SORBS2: variants seen among roughly 807,000 people sequenced by gnomAD.
SORBS2 encodes sorbin and SH3 domain containing 2.
Under a neutral mutation model 97.7 loss-of-function variants are expected in SORBS2, and 46 were observed. That is an observed-to-expected ratio of 0.47 (90% CI 0.37 to 0.60). The LOEUF (loss-of-function observed/expected upper bound fraction) is 0.60. Among genes scored for constraint, SORBS2 ranks in the 20% least tolerant of loss-of-function variants. The pLI, the probability that SORBS2 is intolerant of heterozygous loss-of-function variation, is 0.00. For synonymous variants in SORBS2, 476 were observed against 473.4 expected, an observed-to-expected ratio of 1.01 and a Z score of -0.07; for missense variants, 1,316 against 1,282.3, an observed-to-expected ratio of 1.03 and a Z score of -0.40.
intron 1 of SORBS2, among the ~76,000 whole-genome samples, chr4:185,801,328 T>C (rs2099129447): frequency 6.6e-6 from 1 of 152,232 alleles, no homozygotes; most frequent in Admixed American, 6.5e-5. Context: ...CCTTTGTATG[T>C]ATATCCAGAA....
At chr4:185,917,618 G>A (rs995149372) in intron 1 of SORBS2, among the ~76,000 whole-genome samples, 1 of 152,178 alleles carries the variant, frequency 6.6e-6, no homozygotes, top group African/African-American at 2.4e-5. Flanking sequence ...GGGGGACATG[G>A]GAACCCCAGC....
chr4:185,709,061 A>G (rs2098387794), intron 2 of SORBS2, among the ~76,000 whole-genome samples: 1 of 152,234 alleles, frequency 6.6e-6, no homozygotes, highest in Non-Finnish European at 1.5e-5. Flanking sequence ...TCTGTTGCCC[A>G]GGCTGGAGTG....
chr4:185,782,662 T>C (rs908335851), intron 1 of SORBS2, among the ~76,000 whole-genome samples: 5 of 152,258 alleles, frequency 3.3e-5, no homozygotes, highest in Admixed American at 6.5e-5. Context: ...AAACTCTTTC[T>C]TGTGGCCATA....
At position 185,623,018 on chromosome 4, in the gene SORBS2, G is replaced by C. The variant is rs774954920; in HGVS notation, c.2111C>G (p.Pro704Arg). The change falls in exon 7 of 15, where the codon CCC becomes CGC. Residue 704 changes from proline to arginine, a missense_variant. Physicochemically the swap from Pro to Arg is moderately radical, Grantham distance 103. Coordinates refer to ENST00000418609, the Ensembl canonical transcript of SORBS2. The surrounding 1 kb of genome is among the most constrained non-coding windows in gnomAD (Gnocchi z 6.4). ...CATTCTCCCGCAGTCATTCTGGTAG[G>C]GTGGACAATGAATAGCACCATCGGG... 4 of 1,614,118 alleles carry C rather than the reference G, an allele frequency of 2.5e-6. No individual in the cohort carries two copies. The East Asian group carries it at 6.7e-5, about 27-fold the overall frequency.
At chr4:185,641,048 C>T (rs2097116785) in intron 4 of SORBS2, among the ~76,000 whole-genome samples, 1 of 152,038 alleles carries the variant, frequency 6.6e-6, no homozygotes, top group Non-Finnish European at 1.5e-5. Context: ...GACTTGTTAG[C>T]TATGTAGCTT....
chr4:185,820,464 T>C (rs2099196079), intron 1 of SORBS2, among the ~76,000 whole-genome samples: 1 of 152,228 alleles, frequency 6.6e-6, no homozygotes, highest in Non-Finnish European at 1.5e-5. Flanking sequence ...GTGGGGACTT[T>C]ATCGACCAGA....
chr4:185,916,996 A>T (rs28382289), intron 1 of SORBS2, among the ~76,000 whole-genome samples: 15,600 of 152,184 alleles, frequency 0.1, 909 homozygotes, highest in Middle Eastern at 0.18. Flanking sequence ...CCCCAACCTC[A>T]TGGGAGGGTA....
intron 1 of SORBS2, among the ~76,000 whole-genome samples, chr4:185,814,758 C>T (rs2099192242): frequency 6.6e-6 from 1 of 152,206 alleles, no homozygotes; most frequent in Non-Finnish European, 1.5e-5. Flanking sequence ...CCCTCTTTGC[C>T]CCGTGGCACG....
intron 2 of SORBS2, among the ~76,000 whole-genome samples, chr4:185,737,767 C>T (rs961988134): frequency 2.0e-5 from 3 of 152,144 alleles, no homozygotes; most frequent in Non-Finnish European, 2.9e-5. Flanking sequence ...GTCTGTCCAC[C>T]GTCTAAAGAT....
chr4:185,851,401 A>G (rs543562802), intron 1 of SORBS2, among the ~76,000 whole-genome samples: 2 of 152,328 alleles, frequency 1.3e-5, no homozygotes, highest in South Asian at 4.1e-4. Context: ...TAATATGATT[A>G]TAAAGGAAAG....
chr4:185,946,167 C>T (rs1038589173), intron 1 of SORBS2, among the ~76,000 whole-genome samples: 2 of 124,530 alleles, frequency 1.6e-5, no homozygotes, highest in African/African-American at 3.2e-5. Context: ...TTACCACATC[C>T]GTACAGCACC....
intron 2 of SORBS2, among the ~76,000 whole-genome samples, chr4:185,708,612 C>T (rs1205460609): frequency 1.3e-5 from 2 of 152,152 alleles, no homozygotes; most frequent in Non-Finnish European, 1.5e-5. Flanking sequence ...GGCTAATGAG[C>T]TATTTTTAGT....
intron 1 of SORBS2, among the ~76,000 whole-genome samples, chr4:185,926,545 T>C (rs1339352499): frequency 1.0e-5 from 1 of 99,590 alleles, no homozygotes; most frequent in Non-Finnish European, 2.5e-5. Context: ...AATGTTCAAG[T>C]TGTGGTTTTG....
At chr4:185,756,366 A>T (rs778597857) in intron 2 of SORBS2, among the ~76,000 whole-genome samples, 2 of 146,730 alleles carry the variant, frequency 1.4e-5, no homozygotes, top group Non-Finnish European at 3.1e-5. Flanking sequence ...TCCAAACACG[A>T]AGGCAGTCAA....
chr4:185,734,868 A>G (rs2098672804), intron 2 of SORBS2, among the ~76,000 whole-genome samples: 1 of 152,192 alleles, frequency 6.6e-6, no homozygotes, highest in Non-Finnish European at 1.5e-5. Context: ...ATCCTTGATC[A>G]TTACACCAGC....
chr4:185,593,771 C>A (rs2096015995), intron 13 of SORBS2, 115 bp downstream of exon 25: 3 of 705,148 alleles, frequency 4.3e-6, no homozygotes, highest in Non-Finnish European at 5.1e-6. Flanking sequence ...ATTTAAGAGG[C>A]CTCATGTTAG....
Position 185,950,037 on chromosome 4 carries a change from A to C in SORBS2, c.-338+6159T>G, listed in dbSNP as rs189875074. ...GGGAGGCCAAGGCGGGCGGATCATGAGGTCAGGAGTTCGAAACCAGCCTGG... is the reference window on the plus strand; with the variant it reads ...GGGAGGCCAAGGCGGGCGGATCATGCGGTCAGGAGTTCGAAACCAGCCTGG... On this transcript the variant is annotated intron_variant, in intron 1 of 20. Transcript: ENST00000284776. Among the ~76,000 whole-genome samples, 549 of 152,324 alleles carry C rather than the reference A, an allele frequency of 3.6e-3. 11 individuals carry two copies. Among genetic ancestry groups the C allele is most frequent in the Admixed American group, 0.033 (503 of 15,294 alleles).
chr4:185,711,751 G>T (rs12640689), intron 2 of SORBS2, among the ~76,000 whole-genome samples: 112,073 of 152,028 alleles, frequency 0.74, 42,553 homozygotes, highest in Non-Finnish European at 0.84. Context: ...TTAACCTCAT[G>T]TAGAGCTATT....
At chr4:185,948,867 T>C (rs560052335) in intron 1 of SORBS2, among the ~76,000 whole-genome samples, 1 of 152,258 alleles carries the variant, frequency 6.6e-6, no homozygotes, top group South Asian at 2.1e-4. Context: ...TACTTCATTT[T>C]AATTAAAAAC....
Sources: gnomAD v4.1 joint callset for allele counts (sites outside exome capture counted in the v4.1 genomes callset) on GRCh38, gnomAD v4.1.1 for gene constraint, Gnocchi (gnomAD v3.1) non-coding constraint, MANE v1.5 for transcripts, NCBI Gene and HGNC (gene_info 2026-07-23, HGNC 2026-07-21) for gene names.